The following CSGALNACT1 variants were observed in gnomAD, a reference collection of about 807,000 sequenced individuals.
CSGALNACT1 encodes the protein beta4GalNAcT-1.
A neutral mutation model predicts 51.0 loss-of-function variants in CSGALNACT1; 52 were observed. That is an observed-to-expected ratio of 1.02 (90% confidence interval 0.82 to 1.29). CSGALNACT1 has a LOEUF of 1.29. CSGALNACT1 is among the 50% of genes most tolerant of loss of function. The pLI is 0.00. For missense variants in CSGALNACT1, 935 were observed against 679.2 expected (o/e 1.38, Z -4.19); for synonymous variants, 341 against 254.4 (o/e 1.34, Z -3.24).
At chr8:19,745,244 C>T (rs1311930915) in intron 1 of CSGALNACT1, among the ~76,000 whole-genome samples, 1 of 152,134 alleles carries the variant, frequency 6.6e-6, no homozygotes, top group South Asian at 2.1e-4. Flanking sequence ...AGAAGAAAAA[C>T]GAGCCTTAAT....
At chr8:19,534,829 T>C (rs1423385648) in intron 3 of CSGALNACT1, among the ~76,000 whole-genome samples, 2 of 152,194 alleles carry the variant, frequency 1.3e-5, no homozygotes, top group Non-Finnish European at 2.9e-5. Flanking sequence ...CATTTGGCAA[T>C]CTTTTTTCTT....
At chr8:19,421,483 G>A (rs1045559553) in intron 6 of CSGALNACT1, among the ~76,000 whole-genome samples, 1 of 152,138 alleles carries the variant, frequency 6.6e-6, no homozygotes, top group African/African-American at 2.4e-5. Context: ...TTTCAGCCTA[G>A]CAAATCCCTT....
chr8:19,513,423 T>C (rs1266672854), intron 3 of CSGALNACT1, among the ~76,000 whole-genome samples: 1 of 98,818 alleles, frequency 1.0e-5, no homozygotes, highest in African/African-American at 3.9e-5. Flanking sequence ...TCACTCTCTC[T>C]CTCTCTCTCT....
intron 1 of CSGALNACT1, among the ~76,000 whole-genome samples, chr8:19,702,323 G>T (rs1212587330): frequency 6.6e-6 from 1 of 151,712 alleles, no homozygotes; most frequent in Non-Finnish European, 1.5e-5. Context: ...GACCAGCCTG[G>T]GCAACATAGT....
intron 1 of CSGALNACT1, among the ~76,000 whole-genome samples, chr8:19,749,198 C>T (rs184070883): frequency 8.3e-4 from 126 of 151,684 alleles, no homozygotes; most frequent in African/African-American, 3.0e-3. Context: ...TTCCTCTTCC[C>T]ACTAAGCTGT....
intron 4 of CSGALNACT1, among the ~76,000 whole-genome samples, chr8:19,504,585 A>T (rs908849674): frequency 1.4e-4 from 21 of 152,362 alleles, no homozygotes; most frequent in African/African-American, 5.0e-4. Flanking sequence ...GTGAAAAAAA[A>T]GATGAGCCGT....
intron 3 of CSGALNACT1, among the ~76,000 whole-genome samples, chr8:19,556,226 G>C (rs542241060): frequency 1.3e-5 from 2 of 151,026 alleles, no homozygotes; most frequent in Non-Finnish European, 2.9e-5. Context: ...AATACAAAAA[G>C]TTAGCTGGGC....
In CSGALNACT1 at chr8:19,466,714, G is replaced by T. The variant is rs182180279; in HGVS notation, c.635-8072C>A. Among the ~76,000 whole-genome samples, 6 of 152,054 alleles carry T rather than the reference G, an allele frequency of 3.9e-5. No individual in the cohort carries two copies. In the East Asian group the frequency reaches 7.7e-4, roughly 20 times the overall value. On this transcript the variant is annotated intron_variant, in intron 4 of 9. Transcript: ENST00000454498. ...GCTATAAATCCTCACATGCTCAGAC[G>T]CTAGAAGGCAAATCACTCACCCCAT...
intron 1 of CSGALNACT1, among the ~76,000 whole-genome samples, chr8:19,660,643 G>C (rs2058673855): frequency 1.3e-5 from 2 of 152,218 alleles, no homozygotes; most frequent in Middle Eastern, 6.8e-3. Context: ...GGACCCACTA[G>C]GTAGCAAGGA....
chr8:19,647,806 A>C (rs959518185), intron 1 of CSGALNACT1, among the ~76,000 whole-genome samples: 3 of 152,228 alleles, frequency 2.0e-5, no homozygotes, highest in Non-Finnish European at 2.9e-5. Flanking sequence ...TTATCATTTG[A>C]AAGTATTTGG....
chr8:19,533,135 G>A (rs73212600), intron 3 of CSGALNACT1, among the ~76,000 whole-genome samples: 21,275 of 151,890 alleles, frequency 0.14, 1,796 homozygotes, highest in Non-Finnish European at 0.19. Context: ...TTGTTTTTGA[G>A]AGACAAGGTC....
chr8:19,530,694 G>A (rs2082600413), intron 3 of CSGALNACT1, among the ~76,000 whole-genome samples: 1 of 152,128 alleles, frequency 6.6e-6, no homozygotes, highest in Non-Finnish European at 1.5e-5. Flanking sequence ...TTGTGCCACT[G>A]CCCTTCAGCC....
intron 1 of CSGALNACT1, among the ~76,000 whole-genome samples, chr8:19,673,749 C>T (rs1178182176): frequency 3.3e-5 from 5 of 152,162 alleles, no homozygotes; most frequent in Non-Finnish European, 7.3e-5. Context: ...CATACAATTT[C>T]TGCAGCGTTC....
rs193164767 is a variant in CSGALNACT1, at chr8:19,467,464, C to T, written c.635-8822G>A. ...CCTTTTCAGAGCCCTTCTTCCCTTG[C>T]AGAGAACTGCAATGTATTTCTCACC... On this transcript the variant is annotated intron_variant, in intron 4 of 9. Transcript: ENST00000454498. Among the ~76,000 whole-genome samples, 14 of 152,128 alleles carry T rather than the reference C, an allele frequency of 9.2e-5. No homozygotes were observed. The East Asian group carries it at 2.3e-3, about 25-fold the overall frequency.
chr8:19,726,761 G>C (rs2063423763), intron 1 of CSGALNACT1, among the ~76,000 whole-genome samples: 1 of 152,162 alleles, frequency 6.6e-6, no homozygotes, highest in African/African-American at 2.4e-5. Context: ...AACTTTGGCA[G>C]AAATTTCCTC....
Position 19,680,309 on chromosome 8 carries a change from G to T in CSGALNACT1, c.-544+2164C>A, listed in dbSNP as rs551009174. On this transcript the variant is annotated intron_variant, in intron 1 of 9. Transcript: ENST00000332246. ...GGTGGCTCATGTCTGTAATCCCAGC[G>T]CTTTGGGAGGCCAAGGCAGGTGGAT... 3.8e-3 allele frequency among the ~76,000 whole-genome samples: 571 copies of T among 152,168 alleles called. 2 individuals are homozygous for T. Among genetic ancestry groups the T allele is most frequent in the African/African-American group, 0.013 (550 of 41,504 alleles).
At position 19,405,979 on chromosome 8, in the gene CSGALNACT1, G is replaced by A. The variant is rs369428087; in HGVS notation, c.1400C>T (p.Thr467Met). The stretch of plus-strand genomic sequence containing the variant: ...GAGGTGGAAGAGTCCTCGCACAGGC[G>A]TCCGTACCACTATGAGGTTGCTGTG... The change falls in exon 10 of 10, where the codon ACG becomes ATG. Residue 467 changes from threonine to methionine, a missense_variant. By Grantham distance (81) the Thr-to-Met change is moderately conservative. Coordinates refer to ENST00000454498, the Ensembl canonical transcript of CSGALNACT1. 2.7e-4 allele frequency: 441 copies of A among 1,614,122 alleles called. 4 individuals carry two copies. The highest frequency in any genetic ancestry group is 1.8e-3 in the South Asian group (160 of 91,078).
chr8:19,482,480 C>T (rs1234194824), intron 4 of CSGALNACT1, among the ~76,000 whole-genome samples: 1 of 152,104 alleles, frequency 6.6e-6, no homozygotes, highest in Admixed American at 6.6e-5. Flanking sequence ...TCTTCTGCTA[C>T]ATCCAATAGA....
intron 3 of CSGALNACT1, among the ~76,000 whole-genome samples, chr8:19,568,423 C>T (rs1271997050): frequency 6.6e-6 from 1 of 152,074 alleles, no homozygotes; most frequent in Non-Finnish European, 1.5e-5. Flanking sequence ...ATCATTGACC[C>T]AGACATCATT....
Sources: gnomAD v4.1 joint callset for allele counts (sites outside exome capture counted in the v4.1 genomes callset) on GRCh38, gnomAD v4.1.1 for gene constraint, MANE v1.5 for transcripts, NCBI Gene and HGNC (gene_info 2026-07-23, HGNC 2026-07-21) for gene names.